UBR4: variants seen among roughly 807,000 people sequenced by gnomAD.
UBR4 encodes the protein ubiquitin protein ligase E3 component n-recognin 4, also known as E3 ubiquitin-protein ligase UBR4.
A neutral mutation model predicts 575.6 loss-of-function variants in UBR4; 124 were observed. The ratio of observed to expected loss-of-function variants is 0.22; its 90% confidence interval spans 0.19 to 0.25. The LOEUF is 0.25. UBR4 is among the 10% of genes least tolerant of loss of function. The probability of loss-of-function intolerance (pLI) is 1.00; values close to 1 mark genes in which losing one functional copy is unlikely to be tolerated. For missense variants in UBR4, 4,818 were observed against 6,478.8 expected, an observed-to-expected ratio of 0.74 and a Z score of 8.80; for synonymous variants, 2,455 against 2,473.7, an observed-to-expected ratio of 0.99 and a Z score of 0.22.
At chr1:19,205,417 C>A (rs1034801927) in intron 1 of UBR4, among the ~76,000 whole-genome samples, 3 of 152,122 alleles carry the variant, frequency 2.0e-5, no homozygotes, top group African/African-American at 7.2e-5. Flanking sequence ...AGCTCCTTTC[C>A]CCTCATCAGT....
At position 19,152,821 on chromosome 1, in the gene UBR4, C is replaced by A. The variant is rs766289194; in HGVS notation, c.6833-345G>T. Among the ~76,000 whole-genome samples the A allele has an allele frequency of 1.3e-5, 2 of 152,132 alleles. No individual in the cohort carries two copies. The highest frequency in any genetic ancestry group is 3.2e-3 in the Middle Eastern group (1 of 316). ...CATTCTTTCAAAATAGACTGTAGAGCAAATTTAAGGTAATGTGATGATCCC... is the reference window on the plus strand; with the variant it reads ...CATTCTTTCAAAATAGACTGTAGAGAAAATTTAAGGTAATGTGATGATCCC... On this transcript the variant is annotated intron_variant, in intron 46 of 105. Coordinates refer to ENST00000375254, the MANE Select transcript of UBR4 (RefSeq NM_020765.3). The surrounding 1 kb of genome is among the most constrained non-coding windows in gnomAD (Gnocchi z 4.4).
At chr1:19,142,376 C>T (rs529203521) in intron 55 of UBR4, among the ~76,000 whole-genome samples, 2 of 152,304 alleles carry the variant, frequency 1.3e-5, no homozygotes, top group East Asian at 3.9e-4. Flanking sequence ...AGGTGAGACT[C>T]CTAATTGTCA....
At chr1:19,154,885 T>C (rs995526809) in intron 44 of UBR4, 33 bp downstream of exon 44, 22 of 1,613,392 alleles carry the variant, frequency 1.4e-5, no homozygotes, top group Non-Finnish European at 1.8e-5. Context: ...ATGTGGACAT[T>C]GCGGAAGTTG....
chr1:19,136,883 G>T (rs563608387), intron 60 of UBR4, among the ~76,000 whole-genome samples: 2 of 152,160 alleles, frequency 1.3e-5, no homozygotes, highest in South Asian at 4.2e-4. Flanking sequence ...GATGTTAAGC[G>T]GCTTACGTTC....
chr1:19,137,297 C>T (rs1484300568), intron 60 of UBR4, among the ~76,000 whole-genome samples: 1 of 140,420 alleles, frequency 7.1e-6, no homozygotes, highest in Admixed American at 7.1e-5. Flanking sequence ...GAGACAGTCT[C>T]GAAAAAAAAA....
In UBR4 at chr1:19,140,762, C is replaced by A. The variant is rs937978460; in HGVS notation, c.8593+26G>T. ...GGCCTGAGGGTCCTGGGGCCCTGAG[C>A]CGTGCTCCTTGCTGTGGACAGTTAC... On this transcript the variant is annotated intron_variant, in intron 58 of 105. Transcript: ENST00000375254. 6 of 1,603,858 alleles carry A rather than the reference C, an allele frequency of 3.7e-6. No individual in the cohort carries two copies. In the Admixed American group the frequency reaches 5.1e-5, roughly 14 times the overall value.
At chr1:19,082,609 G>T (rs543567253) in intron 102 of UBR4, among the ~76,000 whole-genome samples, 1 of 152,286 alleles carries the variant, frequency 6.6e-6, no homozygotes, top group South Asian at 2.1e-4. Context: ...CACTGGTAGG[G>T]AGAGGTGGGG....
In UBR4 at chr1:19,210,253, C is replaced by G. The variant is rs937784133; in HGVS notation, c.-5G>C. ...TTCGCCGCCGCTCGTCGCCATCTTC[C>G]GTCGTACTACTGCGGCTCCCTCCGG... On this transcript the variant is annotated 5_prime_UTR_variant, in exon 1 of 106. Transcript: ENST00000375254. 21 of 1,448,120 alleles carry G rather than the reference C, an allele frequency of 1.5e-5. No homozygotes were observed. Among genetic ancestry groups the G allele is most frequent in the African/African-American group, 3.0e-5 (2 of 67,302 alleles). 89.7% of individuals were successfully genotyped at this position (1,448,120 alleles called of 1,614,324 possible).
Position 19,150,565 on chromosome 1 carries a change from C to T in UBR4, c.7430+12G>A. 6.2e-7 allele frequency: 1 copy of T among 1,612,400 alleles called. No homozygotes were observed. Among genetic ancestry groups the T allele is most frequent in the Non-Finnish European group, 8.5e-7 (1 of 1,179,824 alleles). ...TGTAAAAACTGAAGCCAACCCCTGC[C>T]AGCACTGGTACCTCTCCAGGACAGT... On this transcript the variant is annotated intron_variant, in intron 49 of 105. Transcript: ENST00000375254.
At chr1:19,095,478 C>T in intron 93 of UBR4, 67 bp downstream of exon 93, 1 of 1,457,134 alleles carries the variant, frequency 6.9e-7, no homozygotes, top group Non-Finnish European at 9.6e-7. Context: ...GAGCCCAGAA[C>T]TGAGAGGTCT....
chr1:19,076,572 C>T (rs527775846), intron 105 of UBR4, among the ~76,000 whole-genome samples, 168 bp downstream of exon 105: 65 of 152,276 alleles, frequency 4.3e-4, no homozygotes, highest in African/African-American at 1.4e-3. Context: ...TTCTCGTTAT[C>T]GGTGACTTGC....
At chr1:19,209,277 T>C (rs1485898960) in intron 1 of UBR4, among the ~76,000 whole-genome samples, 1 of 152,160 alleles carries the variant, frequency 6.6e-6, no homozygotes, top group East Asian at 1.9e-4. Context: ...AGTCTACCAT[T>C]AAACTAATGA....
intron 11 of UBR4, among the ~76,000 whole-genome samples, chr1:19,191,749 A>C (rs1335412672): frequency 1.3e-5 from 2 of 152,188 alleles, no homozygotes; most frequent in Non-Finnish European, 2.9e-5. Context: ...TGAACAGTAC[A>C]TTGGTCATAT....
chr1:19,136,252 T>C (rs2083189287), intron 60 of UBR4, among the ~76,000 whole-genome samples: 1 of 152,128 alleles, frequency 6.6e-6, no homozygotes, highest in Non-Finnish European at 1.5e-5. Flanking sequence ...AAAGAAATGT[T>C]AGGCACAGAA....
intron 63 of UBR4, 50 bp from the exon 64 acceptor site, chr1:19,126,705 AT>A: frequency 6.3e-7 from 1 of 1,591,700 alleles, no homozygotes; most frequent in Non-Finnish European, 8.6e-7. Flanking sequence ...TGTAAAAACA[AT>A]GTGAAATCCA....
At chr1:19,086,296 A>G (rs1268607777) in intron 100 of UBR4, 26 bp from the exon 101 acceptor site, 1 of 1,308,668 alleles carries the variant, frequency 7.6e-7, no homozygotes, top group Non-Finnish European at 1.0e-6. Flanking sequence ...AGCAGGGACA[A>G]GCGACTGCTG....
In UBR4 at chr1:19,184,103, G is replaced by C; in HGVS notation, c.2011C>G (p.Arg671Gly). The change falls in exon 16 of 106, where the codon CGA (arginine) becomes GGA (glycine). Residue 671 changes from arginine to glycine, a missense_variant. Transcript: ENST00000375254. Reference sequence around the variant, plus strand: ...GAAAGAGATACACTCAGATAGTTTCGGATAAAATTGTTCCGAGAGTTCAGC... The same window carrying C: ...GAAAGAGATACACTCAGATAGTTTCCGATAAAATTGTTCCGAGAGTTCAGC... ...SMLNSRNNFI[R>G]NYLSVSLSEH... 2 of 1,614,088 alleles carry C rather than the reference G, an allele frequency of 1.2e-6. No homozygotes were observed. Among genetic ancestry groups the C allele is most frequent in the Non-Finnish European group, 1.7e-6 (2 of 1,180,038 alleles).
At chr1:19,166,855 C>T (rs929872938) in intron 29 of UBR4, among the ~76,000 whole-genome samples, 167 bp downstream of exon 29, 1 of 151,566 alleles carries the variant, frequency 6.6e-6, no homozygotes, top group African/African-American at 2.4e-5. Context: ...GCAGTGACCC[C>T]ACTGCACTCC....
Position 19,187,235 on chromosome 1 carries a change from T to A in UBR4, c.1561A>T (p.Ile521Phe), listed in dbSNP as rs1557965400. The A allele has an allele frequency of 6.2e-7, 1 of 1,614,054 alleles. No homozygotes were observed. Among genetic ancestry groups the A allele is most frequent in the Non-Finnish European group, 8.5e-7 (1 of 1,179,970 alleles). ...GGGACAGAGTCAATCAGCCGTTGAA[T>A]CCTCTGTATGGAGGTGCTCTGGGCC... Reference protein sequence around the residue: ...IMAQSTSIQRIQRLIDSVPLM... With the variant: ...IMAQSTSIQRFQRLIDSVPLM... Residue 521 changes from isoleucine (I) to phenylalanine (F), a missense_variant, in exon 13 of 106, where the codon ATT becomes TTT. Transcript: ENST00000375254.
Sources: allele counts gnomAD v4.1 joint callset (sites outside exome capture counted in the v4.1 genomes callset), GRCh38; gene constraint gnomAD v4.1.1; non-coding constraint Gnocchi (gnomAD v3.1); transcripts MANE v1.5; gene names NCBI Gene and HGNC (gene_info 2026-07-23, HGNC 2026-07-21).